The following RGS9 variants were observed in gnomAD, a reference collection of about 807,000 sequenced individuals.
RGS9 encodes the protein regulator of G protein signaling 9, also known as regulator of G-protein signalling 9.
A neutral mutation model predicts 102.0 loss-of-function variants in RGS9; 78 were observed. The observed-to-expected ratio is 0.76, with a 90% CI of 0.64 to 0.92. The LOEUF is 0.92. Ranked by LOEUF, RGS9 falls within the 40% of genes least tolerant of loss-of-function variation. RGS9 has a pLI of 0.00. For synonymous variants in RGS9, 353 were observed against 318.6 expected, an observed-to-expected ratio of 1.11 and a Z score of -1.15; for missense variants, 833 against 866.1, an observed-to-expected ratio of 0.96 and a Z score of 0.48.
chr17:65,212,780 G>C (rs2144113598), intron 17 of RGS9, among the ~76,000 whole-genome samples: 1 of 152,314 alleles, frequency 6.6e-6, no homozygotes, highest in African/African-American at 2.4e-5. Flanking sequence ...GATATGCTTT[G>C]CTCATCTCTC....
Position 65,162,993 on chromosome 17 carries a change from A to G in RGS9, c.424-20A>G, listed in dbSNP as rs375522271. 2.2e-6 allele frequency: 3 copies of G among 1,364,138 alleles called. No homozygotes were observed. The highest frequency in any genetic ancestry group is 2.3e-5 in the East Asian group (1 of 42,818). 84.5% of individuals were successfully genotyped at this position (1,364,138 alleles called of 1,614,324 possible). ...ATATGTCTTGGGGCTTTCTGTTCTC[A>G]TTTTGTTTTTCTTCTTTAGGAAAAT... On this transcript the variant is annotated intron_variant, in intron 6 of 18. Coordinates refer to ENST00000262406, the MANE Select transcript of RGS9 (RefSeq NM_003835.4).
At chr17:65,184,814 C>T (rs1053953849) in intron 9 of RGS9, among the ~76,000 whole-genome samples, 1 of 122,686 alleles carries the variant, frequency 8.2e-6, no homozygotes, top group Non-Finnish European at 1.6e-5. Flanking sequence ...CTCTTTCTTT[C>T]CTCTCTCTCT....
intron 2 of RGS9, among the ~76,000 whole-genome samples, chr17:65,156,626 C>A (rs1345508329): frequency 6.6e-6 from 1 of 152,216 alleles, no homozygotes; most frequent in Non-Finnish European, 1.5e-5. Context: ...TCAACGTAGA[C>A]CGCGTGGTAC....
At chr17:65,176,890 C>G (rs1430102281) in intron 8 of RGS9, among the ~76,000 whole-genome samples, 1 of 151,862 alleles carries the variant, frequency 6.6e-6, no homozygotes, top group Non-Finnish European at 1.5e-5. Context: ...ATCTGTCCAT[C>G]CATCCATCCA....
rs569839280 is a variant in RGS9, at chr17:65,153,783, G to A, written c.154+265G>A. 4.6e-5 allele frequency among the ~76,000 whole-genome samples: 7 copies of A among 152,276 alleles called. No individual in the cohort carries two copies. In the East Asian group the frequency reaches 1.4e-3, roughly 29 times the overall value. On this transcript the variant is annotated intron_variant, in intron 2 of 18. Coordinates refer to ENST00000262406, the MANE Select transcript of RGS9 (RefSeq NM_003835.4). Reference sequence around the variant, plus strand: ...CAGGTGCCTATAGTCCCAGCTACTCGGGAGGATGAGGCAGGAGAATGGCCT... The same window carrying A: ...CAGGTGCCTATAGTCCCAGCTACTCAGGAGGATGAGGCAGGAGAATGGCCT...
Position 65,225,145 on chromosome 17 carries a change from C to A in RGS9, c.1551C>A (p.Pro517=). 2 of 1,613,816 alleles carry A rather than the reference C, an allele frequency of 1.2e-6. No homozygotes were observed. Among genetic ancestry groups the A allele is most frequent in the Non-Finnish European group, 1.7e-6 (2 of 1,180,044 alleles). The change falls in exon 18 of 19, where the codon CCC becomes CCA. Residue 517 remains proline, a synonymous_variant. Coordinates refer to ENST00000262406, the MANE Select transcript of RGS9 (RefSeq NM_003835.4). The part of the protein sequence containing the change: ...FASPSRFIRR[P]STTICPSPIR... ...CACCCAGCCGCTTCATCCGGCGACC[C>A]AGCACCACCATCTGCCCCTCACCCA... is the stretch of plus-strand genomic sequence containing the variant.
chr17:65,138,540 G>A (rs978831587), intron 1 of RGS9, among the ~76,000 whole-genome samples: 1 of 152,052 alleles, frequency 6.6e-6, no homozygotes, highest in Non-Finnish European at 1.5e-5. Context: ...CGAGACGGTC[G>A]CATTTGGTCC....
rs115768099 is a variant in RGS9, at chr17:65,225,224, G to T, written c.1630G>T (p.Gly544Trp). Reference sequence around the variant, plus strand: ...CTTGGAGCAGAAAGGGGAGTGCAGCGGGTCCATGGCCCCCCGTGGGCCCTC... The same window carrying T: ...CTTGGAGCAGAAAGGGGAGTGCAGCTGGTCCATGGCCCCCCGTGGGCCCTC... ...SGLEQKGECSGSMAPRGPSVT... is the reference protein window; with the variant it reads ...SGLEQKGECSWSMAPRGPSVT... Residue 544 changes from glycine (G) to tryptophan (W), a missense_variant, in exon 18 of 19, where the codon GGG becomes TGG. This residue lies in a region of RGS9 where 320 missense variants were observed against 276.8 expected (regional missense o/e 1.16). Transcript: ENST00000262406. The T allele has an allele frequency of 1.2e-6, 2 of 1,611,950 alleles. No homozygotes were observed. Among genetic ancestry groups the T allele is most frequent in the Non-Finnish European group, 1.7e-6 (2 of 1,180,010 alleles).
At chr17:65,207,298 G>A (rs564990283) in intron 15 of RGS9, among the ~76,000 whole-genome samples, 1 of 152,332 alleles carries the variant, frequency 6.6e-6, no homozygotes, top group East Asian at 1.9e-4. Context: ...TGGCTTCACT[G>A]AACCACTCCA....
At chr17:65,190,727 G>GC (rs753623796) in intron 11 of RGS9, among the ~76,000 whole-genome samples, 43 of 152,244 alleles carry the variant, frequency 2.8e-4, no homozygotes, top group African/African-American at 1.0e-3. Context: ...CCTTGACCCA[G>GC]CCCCCCATAG....
chr17:65,226,098 T>G (rs1905661766), intron 18 of RGS9, among the ~76,000 whole-genome samples: 1 of 152,220 alleles, frequency 6.6e-6, no homozygotes, highest in African/African-American at 2.4e-5. Context: ...CCTGCAAGCC[T>G]GATCTCTGAG....
intron 8 of RGS9, among the ~76,000 whole-genome samples, chr17:65,171,677 G>A (rs1466581080): frequency 2.0e-5 from 3 of 152,274 alleles, no homozygotes; most frequent in Non-Finnish European, 2.9e-5. Flanking sequence ...AAGACCCCAC[G>A]TGGGTGGTGG....
chr17:65,224,919 A>T (rs1905561721), intron 17 of RGS9, 83 bp from the exon 18 acceptor site: 1 of 1,574,556 alleles, frequency 6.4e-7, no homozygotes, highest in South Asian at 1.1e-5. Flanking sequence ...GAAGGGGACT[A>T]AGTTAGCAGA....
chr17:65,179,777 G>A (rs1014319795), intron 9 of RGS9, among the ~76,000 whole-genome samples: 1 of 151,888 alleles, frequency 6.6e-6, no homozygotes, highest in Non-Finnish European at 1.5e-5. Flanking sequence ...TGAGGAGGGT[G>A]ACCAGATTAC....
At chr17:65,190,581 G>C (rs915165741) in intron 11 of RGS9, among the ~76,000 whole-genome samples, 1 of 152,148 alleles carries the variant, frequency 6.6e-6, no homozygotes, top group African/African-American at 2.4e-5. Flanking sequence ...ATCGTTACTG[G>C]TTCCAATTCA....
chr17:65,163,184 T>C, intron 7 of RGS9, 95 bp downstream of exon 7: 1 of 618,108 alleles, frequency 1.6e-6, no homozygotes, highest in African/African-American at 2.0e-5. Flanking sequence ...TTATTTTTAT[T>C]TTTTTTTTGA....
intron 9 of RGS9, among the ~76,000 whole-genome samples, chr17:65,184,983 C>T (rs1350588465): frequency 6.6e-6 from 1 of 152,066 alleles, no homozygotes; most frequent in Admixed American, 6.6e-5. Context: ...AATCCTCTGT[C>T]CTCAGCCTCC....
At chr17:65,166,253 C>A (rs917260722) in intron 7 of RGS9, among the ~76,000 whole-genome samples, 5 of 152,198 alleles carry the variant, frequency 3.3e-5, no homozygotes, top group Non-Finnish European at 7.3e-5. Context: ...CACAAAATCC[C>A]ATCTAGCTTC....
intron 9 of RGS9, among the ~76,000 whole-genome samples, chr17:65,186,243 C>G (rs565075557): frequency 2.5e-4 from 38 of 151,374 alleles, no homozygotes; most frequent in African/African-American, 8.7e-4. Context: ...GTGGCCGAGG[C>G]TGGAGTGCAG....
Sources: gnomAD v4.1 joint callset for allele counts (sites outside exome capture counted in the v4.1 genomes callset) on GRCh38, gnomAD v4.1.1 for gene constraint, gnomAD v4.1.1 regional missense constraint, MANE v1.5 for transcripts, NCBI Gene and HGNC (gene_info 2026-07-23, HGNC 2026-07-21) for gene names.